Variants in ZMAT4 observed in about 807,000 individuals in gnomAD.
ZMAT4 encodes the protein zinc finger matrin-type 4, also known as zinc finger matrin-type protein 4.
In ZMAT4, 17 loss-of-function variants were observed where a neutral mutation model predicts 28.7. The observed-to-expected ratio is 0.59, with a 90% CI of 0.41 to 0.89. The LOEUF (loss-of-function observed/expected upper bound fraction) is 0.89, where lower values mean the gene tolerates loss of function less well. Ranked by LOEUF, ZMAT4 falls within the 40% of genes least tolerant of loss-of-function variation. ZMAT4 has a pLI of 0.00. For missense variants in ZMAT4, 240 were observed against 283.8 expected (o/e 0.85, Z 1.11); for synonymous variants, 117 against 109.2 (o/e 1.07, Z -0.44).
intron 5 of ZMAT4, among the ~76,000 whole-genome samples, chr8:40,595,921 T>C (rs1175512639): frequency 6.6e-6 from 1 of 151,908 alleles, no homozygotes; most frequent in African/African-American, 2.4e-5. Context: ...CCATCTCTAC[T>C]AAAAATACAA....
intron 5 of ZMAT4, among the ~76,000 whole-genome samples, chr8:40,610,500 CTA>C (rs767392232): frequency 6.6e-6 from 1 of 151,604 alleles, no homozygotes; most frequent in Non-Finnish European, 1.5e-5. Context: ...CAACCAAATT[CTA>C]TATATATATA....
At chr8:40,637,752 A>C (rs927698739) in intron 5 of ZMAT4, among the ~76,000 whole-genome samples, 1 of 152,168 alleles carries the variant, frequency 6.6e-6, no homozygotes, top group Non-Finnish European at 1.5e-5. Flanking sequence ...TCCTGGACCC[A>C]CCTTGCTACT....
chr8:40,736,411 T>A (rs944921426), intron 3 of ZMAT4, among the ~76,000 whole-genome samples: 4 of 152,358 alleles, frequency 2.6e-5, no homozygotes, highest in Admixed American at 2.6e-4. Context: ...TATTTTTACA[T>A]CTTTCAGCAG....
chr8:40,817,945 T>A (rs566319503), intron 2 of ZMAT4, among the ~76,000 whole-genome samples: 1 of 152,354 alleles, frequency 6.6e-6, no homozygotes, highest in South Asian at 2.1e-4. Context: ...AGGTGGGCTA[T>A]GTGACTGAGT....
Position 40,558,385 on chromosome 8 carries a change from G to A in ZMAT4, c.674+22780C>T, listed in dbSNP as rs189127688. On this transcript the variant is annotated intron_variant, in intron 6 of 6. Coordinates refer to ENST00000297737, the MANE Select transcript of ZMAT4 (RefSeq NM_024645.3). ...ACAGGGAGCTAGTTAGGAAGCTGTC[G>A]TGGGCAGCCCATCAAAGAGAGAGAC... Among the ~76,000 whole-genome samples the A allele has an allele frequency of 1.2e-3, 178 of 152,170 alleles. 1 individual carries two copies. The highest frequency in any genetic ancestry group is 3.6e-3 in the African/African-American group (150 of 41,538).
At chr8:40,689,606 A>T (rs1809569952) in intron 4 of ZMAT4, among the ~76,000 whole-genome samples, 1 of 152,066 alleles carries the variant, frequency 6.6e-6, no homozygotes, top group Admixed American at 6.6e-5. Flanking sequence ...TGCTTACTTT[A>T]TGAGTGTCTT....
intron 6 of ZMAT4, among the ~76,000 whole-genome samples, chr8:40,540,024 C>T (rs1585658743): frequency 6.6e-6 from 1 of 152,210 alleles, no homozygotes; most frequent in African/African-American, 2.4e-5. Flanking sequence ...ATGACCAATA[C>T]TTCAGTCATA....
intron 1 of ZMAT4, among the ~76,000 whole-genome samples, chr8:40,870,420 G>A (rs181176864): frequency 1.3e-5 from 2 of 152,258 alleles, no homozygotes; most frequent in African/African-American, 4.8e-5. Flanking sequence ...TCTGTCTTAC[G>A]TCAGTTTAAT....
At chr8:40,862,119 ACGTATGTTTATTGCGG>A (rs1817515154) in intron 1 of ZMAT4, among the ~76,000 whole-genome samples, 5 of 91,520 alleles carry the variant, frequency 5.5e-5, no homozygotes, top group Non-Finnish European at 1.2e-4. Flanking sequence ...ACACACGCAC[ACGTATGTTTATTGCGG>A]CACTATACAC....
intron 4 of ZMAT4, among the ~76,000 whole-genome samples, chr8:40,695,471 G>A (rs1809838415): frequency 6.6e-6 from 1 of 152,204 alleles, no homozygotes; most frequent in South Asian, 2.1e-4. Context: ...GGCCCAACCT[G>A]AGCCATAGCT....
rs715029 is a variant in ZMAT4 at position 40,566,707 on chromosome 8, G to A, written c.674+14458C>T. On this transcript the variant is annotated intron_variant, in intron 6 of 6. Coordinates refer to ENST00000297737, the MANE Select transcript of ZMAT4 (RefSeq NM_024645.3). ...TGAATAGGAATTATACTGACCAAAA[G>A]CTAGATTTAAAATGAGAAACTTTAA... 3.9e-5 allele frequency among the ~76,000 whole-genome samples: 6 copies of A among 152,184 alleles called. No homozygotes were observed. The East Asian group carries it at 1.2e-3, about 29-fold the overall frequency.
chr8:40,720,523 C>CTTCT (rs1811036931), intron 3 of ZMAT4, among the ~76,000 whole-genome samples: 1 of 113,112 alleles, frequency 8.8e-6, no homozygotes, highest in African/African-American at 3.3e-5. Flanking sequence ...TGGGTAGAAT[C>CTTCT]TTTTTTTTTT....
At chr8:40,758,000 A>G (rs1213192495) in intron 3 of ZMAT4, among the ~76,000 whole-genome samples, 5 of 152,092 alleles carry the variant, frequency 3.3e-5, no homozygotes, top group African/African-American at 7.2e-5. Context: ...TCAGACTCCA[A>G]GTTCTTCAGC....
chr8:40,616,737 G>A (rs199515257), intron 5 of ZMAT4, among the ~76,000 whole-genome samples: 1 of 152,144 alleles, frequency 6.6e-6, no homozygotes, highest in East Asian at 1.9e-4. Context: ...GGCCTGCCGT[G>A]GGTTGGGGGG....
At chr8:40,551,709 C>A (rs535145193) in intron 6 of ZMAT4, among the ~76,000 whole-genome samples, 1 of 152,112 alleles carries the variant, frequency 6.6e-6, no homozygotes, top group Non-Finnish European at 1.5e-5. Flanking sequence ...AAGATGGGCT[C>A]GCTGCTTACC....
intron 3 of ZMAT4, among the ~76,000 whole-genome samples, chr8:40,757,970 A>G (rs1321356453): frequency 3.3e-5 from 5 of 152,074 alleles, no homozygotes; most frequent in Non-Finnish European, 5.9e-5. Flanking sequence ...CCCATGCTGG[A>G]TCCTTCCTGC....
At chr8:40,673,483 A>G (rs974000202) in intron 5 of ZMAT4, among the ~76,000 whole-genome samples, 5 of 152,124 alleles carry the variant, frequency 3.3e-5, no homozygotes, top group African/African-American at 1.2e-4. Context: ...AAATGTTGTT[A>G]TCTATAGCTT....
rs1809119662 is a variant in ZMAT4, at chr8:40,680,699, T to A, written c.350-5768A>T. ...TCTCTCTCTGTCTCTACATGTCTAA[T>A]GTACACACACACACACACACACACA... On this transcript the variant is annotated intron_variant, in intron 4 of 6. Coordinates refer to ENST00000297737, the MANE Select transcript of ZMAT4 (RefSeq NM_024645.3). 1.6e-4 allele frequency among the ~76,000 whole-genome samples: 12 copies of A among 73,986 alleles called. No individual in the cohort carries two copies. In the South Asian group the frequency reaches 4.2e-3, roughly 26 times the overall value. The allele number at this position is 73,986 out of a possible 152,430, so 48.5% of individuals were successfully genotyped here.
At chr8:40,610,838 G>C (rs1363991699) in intron 5 of ZMAT4, among the ~76,000 whole-genome samples, 3 of 144,598 alleles carry the variant, frequency 2.1e-5, no homozygotes, top group African/African-American at 7.6e-5. Flanking sequence ...ATAGGCCATA[G>C]AAAAAATGAA....
Sources: allele counts gnomAD v4.1 joint callset (sites outside exome capture counted in the v4.1 genomes callset), GRCh38; gene constraint gnomAD v4.1.1; transcripts MANE v1.5; gene names NCBI Gene and HGNC (gene_info 2026-07-23, HGNC 2026-07-21).